Variants in DIAPH3 observed in about 807,000 individuals in gnomAD.
DIAPH3 encodes protein diaphanous homolog 3.
DIAPH3 carries 117 observed loss-of-function variants against 144.3 expected under a neutral mutation model. That is an observed-to-expected ratio of 0.81 (90% CI 0.70 to 0.95). The LOEUF is 0.95. Among genes scored for constraint, DIAPH3 ranks in the 40% least tolerant of loss-of-function variants. The probability of loss-of-function intolerance (pLI) is 0.00; values close to 1 mark genes in which losing one functional copy is unlikely to be tolerated. For synonymous variants in DIAPH3, 519 were observed against 488.9 expected, an observed-to-expected ratio of 1.06 and a Z score of -0.81; for missense variants, 1,421 against 1,412.7, an observed-to-expected ratio of 1.01 and a Z score of -0.09.
At chr13:59,856,895 T>C (rs1373765676) in intron 22 of DIAPH3, among the ~76,000 whole-genome samples, 2 of 143,874 alleles carry the variant, frequency 1.4e-5, no homozygotes, top group East Asian at 2.4e-4. Flanking sequence ...TAGGCAGATA[T>C]TGGTAAAAAA....
intron 1 of DIAPH3, among the ~76,000 whole-genome samples, chr13:60,148,954 T>C (rs746948497): frequency 2.6e-5 from 4 of 152,230 alleles, no homozygotes; most frequent in Admixed American, 6.5e-5. Context: ...TCTACCCGTG[T>C]GCTATGCTCA....
intron 5 of DIAPH3, among the ~76,000 whole-genome samples, chr13:60,024,047 G>T (rs1019351045): frequency 6.6e-6 from 1 of 151,038 alleles, no homozygotes; most frequent in Non-Finnish European, 1.5e-5. Context: ...TAGAGATGGG[G>T]TTTCACCATG....
intron 22 of DIAPH3, among the ~76,000 whole-genome samples, chr13:59,851,502 T>A (rs1365472124): frequency 1.3e-5 from 2 of 152,224 alleles, no homozygotes; most frequent in African/African-American, 4.8e-5. Context: ...CTTCTTTCAT[T>A]GGCTTGGTTC....
At chr13:60,003,207 G>C (rs1391470853) in intron 9 of DIAPH3, among the ~76,000 whole-genome samples, 1 of 152,070 alleles carries the variant, frequency 6.6e-6, no homozygotes, top group Non-Finnish European at 1.5e-5. Flanking sequence ...ACAGTGCAGC[G>C]TATCTTCTGT....
At chr13:60,001,043 C>T (rs1255526705) in intron 9 of DIAPH3, among the ~76,000 whole-genome samples, 2 of 152,072 alleles carry the variant, frequency 1.3e-5, no homozygotes, top group African/African-American at 2.4e-5. Context: ...ACTTGTATTG[C>T]AAGTAAAGAC....
chr13:59,738,511 C>A (rs1322238775), intron 27 of DIAPH3, among the ~76,000 whole-genome samples: 1 of 152,180 alleles, frequency 6.6e-6, no homozygotes, highest in East Asian at 1.9e-4. Flanking sequence ...GCTTTCTTCT[C>A]CCTCCTTGTA....
intron 9 of DIAPH3, among the ~76,000 whole-genome samples, chr13:60,002,547 G>A (rs2052587079): frequency 6.6e-6 from 1 of 152,104 alleles, no homozygotes; most frequent in Admixed American, 6.5e-5. Context: ...AGGAGTTCAC[G>A]TCTTTTGACA....
intron 18 of DIAPH3, among the ~76,000 whole-genome samples, chr13:59,918,648 G>A (rs553171664): frequency 6.6e-6 from 1 of 152,172 alleles, no homozygotes; most frequent in East Asian, 1.9e-4. Flanking sequence ...CCCTAACACT[G>A]CACCAACAAC....
At chr13:59,791,155 A>G (rs1308196642) in intron 25 of DIAPH3, among the ~76,000 whole-genome samples, 1 of 152,096 alleles carries the variant, frequency 6.6e-6, no homozygotes, top group Non-Finnish European at 1.5e-5. Flanking sequence ...TGTTTTATAA[A>G]GACAGGATCT....
intron 23 of DIAPH3, among the ~76,000 whole-genome samples, chr13:59,834,777 A>G (rs900245556): frequency 6.6e-6 from 1 of 151,796 alleles, no homozygotes; most frequent in Non-Finnish European, 1.5e-5. Flanking sequence ...TAAACATTTC[A>G]TAAAATTCAT....
intron 5 of DIAPH3, among the ~76,000 whole-genome samples, chr13:60,016,643 T>A (rs1391954274): frequency 2.0e-5 from 3 of 151,778 alleles, no homozygotes; most frequent in Admixed American, 6.6e-5. Context: ...CTGGCAAAAA[T>A]TAATTAAAAA....
At chr13:60,012,428 T>C (rs1318789970) in intron 7 of DIAPH3, among the ~76,000 whole-genome samples, 4 of 152,144 alleles carry the variant, frequency 2.6e-5, no homozygotes, top group Admixed American at 2.6e-4. Flanking sequence ...ATTACCTAAC[T>C]GGAAAAAGAA....
intron 22 of DIAPH3, among the ~76,000 whole-genome samples, chr13:59,844,519 G>GA (rs79775628): frequency 6.7e-6 from 1 of 149,036 alleles, no homozygotes; most frequent in Non-Finnish European, 1.5e-5. Flanking sequence ...AAAAAAAAAG[G>GA]AAAAAACAAA....
At chr13:59,684,632 A>G (rs868553941) in intron 27 of DIAPH3, among the ~76,000 whole-genome samples, 7 of 152,298 alleles carry the variant, frequency 4.6e-5, no homozygotes, top group African/African-American at 1.4e-4. Context: ...ACAAATCTTG[A>G]AAGTGGCTGG....
intron 21 of DIAPH3, among the ~76,000 whole-genome samples, chr13:59,868,743 C>A (rs1473758221): frequency 6.6e-6 from 1 of 152,110 alleles, no homozygotes. Context: ...CTCCTCAGAA[C>A]CCCTGGCAAC....
chr13:60,113,566 G>A (rs2058626777), intron 2 of DIAPH3, among the ~76,000 whole-genome samples: 2 of 152,058 alleles, frequency 1.3e-5, no homozygotes, highest in African/African-American at 2.4e-5. Flanking sequence ...CTTTCTGTAG[G>A]ATTTAGAAAG....
At chr13:59,721,447 G>A (rs1212729486) in intron 27 of DIAPH3, among the ~76,000 whole-genome samples, 1 of 152,004 alleles carries the variant, frequency 6.6e-6, no homozygotes, top group Non-Finnish European at 1.5e-5. Context: ...AATATAAGAG[G>A]AAGAACCGTA....
In DIAPH3 at chr13:59,916,202, T is replaced by C; in HGVS notation, c.2218A>G (p.Met740Val). ...FRVPYEEIRM[M>V]ILEVDETRLA... ...CGTGTTTCATCTACTTCCAATATCA[T>C]CATTCTGATTTCCTCATATGGCACC... The change falls in exon 19 of 28, where the codon ATG (methionine) becomes GTG (valine). Residue 740 changes from methionine to valine, a missense_variant. By Grantham distance (21) the Met-to-Val change is conservative (BLOSUM62 1). Coordinates refer to ENST00000400324, the MANE Select transcript of DIAPH3 (RefSeq NM_001042517.2). 1 of 1,613,352 alleles carries C rather than the reference T, an allele frequency of 6.2e-7. No homozygotes were observed. The highest frequency in any genetic ancestry group is 8.5e-7 in the Non-Finnish European group (1 of 1,179,510).
chr13:59,820,381 A>C (rs1237397301), intron 24 of DIAPH3, among the ~76,000 whole-genome samples: 1 of 151,912 alleles, frequency 6.6e-6, no homozygotes, highest in Non-Finnish European at 1.5e-5. Flanking sequence ...TAGCTATTAT[A>C]CCTCTGAAGA....
Sources: allele counts gnomAD v4.1 joint callset (sites outside exome capture counted in the v4.1 genomes callset), GRCh38; gene constraint gnomAD v4.1.1; transcripts MANE v1.5; gene names NCBI Gene and HGNC (gene_info 2026-07-23, HGNC 2026-07-21).